Variants in UBA7 observed in about 807,000 individuals in gnomAD.
UBA7 encodes ubiquitin like modifier activating enzyme 7.
A neutral mutation model predicts 113.0 loss-of-function variants in UBA7; 88 were observed. That is an observed-to-expected ratio of 0.78 (90% CI 0.66 to 0.93). The LOEUF (loss-of-function observed/expected upper bound fraction) is 0.93, where lower values mean the gene tolerates loss of function less well. UBA7 is among the 40% of genes least tolerant of loss of function. The pLI is 0.00. For missense variants in UBA7, 1,092 were observed against 1,266.4 expected, an observed-to-expected ratio of 0.86 and a Z score of 2.09; for synonymous variants, 459 against 513.0, an observed-to-expected ratio of 0.89 and a Z score of 1.42.
rs1346831962 is a variant in UBA7, at chr3:49,807,844, A to T, written c.2607T>A (p.Tyr869Ter). Residue 869 changes from tyrosine to a stop codon, truncating the protein, a stop_gained, in exon 21 of 24, where the codon TAT (tyrosine) becomes TAA (stop). Coordinates refer to ENST00000333486, the MANE Select transcript of UBA7 (RefSeq NM_003335.3). LOFTEE classifies it high-confidence loss of function. This position sits in a 1 kb window ranked among gnomAD's most constrained non-coding sequence, Gnocchi z 4.0. ...GAGGCCGTGGCCCACTCACCACCTT[A>T]TACAGCTCCAGGCCCAACAGGCCTG... ...AVAGLLGLELYKVVSGPRPRS... is the reference protein window; with the variant it reads ...AVAGLLGLEL 2 of 1,613,956 alleles carry T rather than the reference A, an allele frequency of 1.2e-6. No homozygotes were observed. The highest frequency in any genetic ancestry group is 1.7e-6 in the Non-Finnish European group (2 of 1,179,988).
In UBA7 at chr3:49,811,972, C is replaced by G. The variant is rs2081554708; in HGVS notation, c.837G>C (p.Gln279His). The change falls in exon 8 of 24, where the codon CAG becomes CAC. Residue 279 changes from glutamine (Q) to histidine (H), a missense_variant. By Grantham distance (24) the Gln-to-His change is conservative. Coordinates refer to ENST00000333486, the MANE Select transcript of UBA7 (RefSeq NM_003335.3). ...GGGCATGGTGAACTTCCTGGGAGCT[C>G]TGGGCCACCACATGGGGCTGGAGCA... Reference protein sequence around the residue: ...TALLQPHVVAQSSQEVHHAHC... With the variant: ...TALLQPHVVAHSSQEVHHAHC... 6.2e-7 allele frequency: 1 copy of G among 1,614,216 alleles called. No individual in the cohort carries two copies. The highest frequency in any genetic ancestry group is 8.5e-7 in the Non-Finnish European group (1 of 1,180,042).
At position 49,811,866 on chromosome 3, in the gene UBA7, T is replaced by A. The variant is rs762838502; in HGVS notation, c.939+4A>T. On this transcript the variant is annotated splice_donor_region_variant and intron_variant, in intron 8 of 23. Transcript: ENST00000333486. Reference sequence around the variant, plus strand: ...CTGGGGGTGGGAGCAACAGGACTACTCACAGGATCCCAGGGCTGGGGTGGC... The same window carrying A: ...CTGGGGGTGGGAGCAACAGGACTACACACAGGATCCCAGGGCTGGGGTGGC... 1 of 1,613,126 alleles carries A rather than the reference T, an allele frequency of 6.2e-7. No homozygotes were observed. Among genetic ancestry groups the A allele is most frequent in the South Asian group, 1.1e-5 (1 of 91,028 alleles).
At chr3:49,805,547 G>A (rs918466077) in intron 23 of UBA7, 110 bp from the exon 24 acceptor site, 9 of 1,006,442 alleles carry the variant, frequency 8.9e-6, no homozygotes, top group Non-Finnish European at 1.2e-5. Flanking sequence ...CCCAAGCCAG[G>A]AGCAGGAGCT....
intron 21 of UBA7, 193 bp from the exon 22 acceptor site, chr3:49,806,358 A>G (rs1344047592): frequency 1.6e-6 from 1 of 608,030 alleles, no homozygotes; most frequent in African/African-American, 1.9e-5. Flanking sequence ...CCAGCACAGG[A>G]AATGGGGCTA....
In UBA7 at chr3:49,813,887, G is replaced by A. The variant is rs2081590494; in HGVS notation, c.-100C>T. 1.4e-6 allele frequency: 2 copies of A among 1,422,556 alleles called. No individual in the cohort carries two copies. Among genetic ancestry groups the A allele is most frequent in the African/African-American group, 2.8e-5 (2 of 70,436 alleles). The allele number at this position is 1,422,556 out of a possible 1,614,324, so 88.1% of individuals were successfully genotyped here. A position where few individuals can be genotyped will look rare whatever the true frequency, so the allele number is the denominator to read the frequency against. On this transcript the variant is annotated 5_prime_UTR_variant, in exon 1 of 24. Coordinates refer to ENST00000333486, the MANE Select transcript of UBA7 (RefSeq NM_003335.3). ...GGGCCAGTGCCCTGCTGTAGCCAGT[G>A]CAAACAGGAACCAAGGCCAAGCGAA...
At chr3:49,808,879 C>T in intron 18 of UBA7, 97 bp downstream of exon 18, 12 of 1,449,518 alleles carry the variant, frequency 8.3e-6, no homozygotes, top group Non-Finnish European at 1.1e-5. Flanking sequence ...GGCTGTAGAT[C>T]CCCTAGGCCC....
At position 49,809,448 on chromosome 3, in the gene UBA7, G is replaced by T. The variant is rs1330633341; in HGVS notation, c.2105C>A (p.Thr702Asn). 7 of 1,614,090 alleles carry T rather than the reference G, an allele frequency of 4.3e-6. No homozygotes were observed. The African/African-American group carries it at 5.3e-5, about 12-fold the overall frequency. ...FPPNKVLEDG[T>N]PFWSGPKQCP... ...CTGTTTGGGACCTGACCAGAAGGGA[G>T]TTCCATCCTCAAGCACCTAGGTAGG... The change falls in exon 17 of 24, where the codon ACT becomes AAT. Residue 702 changes from threonine to asparagine, a missense_variant. Transcript: ENST00000333486.
In UBA7 at chr3:49,808,013, G is replaced by A; in HGVS notation, c.2523+7C>T. On this transcript the variant is annotated splice_region_variant and intron_variant, in intron 20 of 23. Transcript: ENST00000333486. ...CTCCAGGCCCAAGCCTCAAGGGGTG[G>A]GGTTACCTGGGCACGGTTGACCGGT... 1.2e-6 allele frequency: 2 copies of A among 1,614,132 alleles called. No individual in the cohort carries two copies. The highest frequency in any genetic ancestry group is 1.7e-6 in the Non-Finnish European group (2 of 1,179,988).
At position 49,807,708 on chromosome 3, in the gene UBA7, G is replaced by A; in HGVS notation, c.2715+28C>T. ...TGCAGGGGAAACCCAGGCCTAGTAG[G>A]GCTAAGGGTGGGGTATCATGGGCTC... On this transcript the variant is annotated intron_variant, in intron 21 of 23. Coordinates refer to ENST00000333486, the MANE Select transcript of UBA7 (RefSeq NM_003335.3). This position sits in a 1 kb window ranked among gnomAD's most constrained non-coding sequence, Gnocchi z 4.0. 1 of 1,582,816 alleles carries A rather than the reference G, an allele frequency of 6.3e-7. No homozygotes were observed. Among genetic ancestry groups the A allele is most frequent in the Non-Finnish European group, 8.6e-7 (1 of 1,163,846 alleles).
Position 49,812,682 on chromosome 3 carries a change from T to TCTGCCTCTGTGGGGTC in UBA7, c.508_523dup (p.Glu175GlyfsTer36), listed in dbSNP as rs1364922497. ...GTGCTGGATGGCAGCTGTCAGGGGT[T>TCTGCCTCTGTGGGGTC]CTGCCTCTGTGGGGTCCTGCACAGT... On this transcript the variant is annotated frameshift_variant, in exon 5 of 24. Coordinates refer to ENST00000333486, the MANE Select transcript of UBA7 (RefSeq NM_003335.3). LOFTEE classifies it high-confidence loss of function. 1 of 1,614,186 alleles carries TCTGCCTCTGTGGGGTC rather than the reference T, an allele frequency of 6.2e-7. No homozygotes were observed. Among genetic ancestry groups the TCTGCCTCTGTGGGGTC allele is most frequent in the East Asian group, 2.2e-5 (1 of 44,870 alleles).
At chr3:49,808,570 C>G (rs1012154809) in intron 18 of UBA7, 102 bp from the exon 19 acceptor site, 4 of 1,237,238 alleles carry the variant, frequency 3.2e-6, no homozygotes, top group Non-Finnish European at 3.4e-6. Flanking sequence ...CTGTCACTTA[C>G]TATTCCCTGA....
chr3:49,807,135 A>C lies in UBA7; in HGVS notation c.2715+601T>G, dbSNP rs1393989664. ...AACACACACATGTGTGCCCACATGC[A>C]TCTCCATGCATGCCCACATTGAGGA... On this transcript the variant is annotated intron_variant, in intron 21 of 23. Coordinates refer to ENST00000333486, the MANE Select transcript of UBA7 (RefSeq NM_003335.3). This position sits in a 1 kb window ranked among gnomAD's most constrained non-coding sequence, Gnocchi z 4.0. 6.6e-6 allele frequency among the ~76,000 whole-genome samples: 1 copy of C among 152,186 alleles called. No homozygotes were observed. Among genetic ancestry groups the C allele is most frequent in the African/African-American group, 2.4e-5 (1 of 41,436 alleles).
Position 49,811,043 on chromosome 3 carries a change from C to T in UBA7, c.1171G>A (p.Ala391Thr), listed in dbSNP as rs762355607. 1 of 1,613,992 alleles carries T rather than the reference C, an allele frequency of 6.2e-7. No individual in the cohort carries two copies. The highest frequency in any genetic ancestry group is 2.2e-5 in the East Asian group (1 of 44,896). ...CCATCTTCCGGAAGACAATCGAGGG[C>T]ATCAAAGTAAAGCCACTGGTCCAGA... ...MPLDQWLYFD[A>T]LDCLPEDGEL... The change falls in exon 10 of 24, where the codon GCC becomes ACC. Residue 391 changes from alanine (A) to threonine (T), a missense_variant. Transcript: ENST00000333486.
At chr3:49,811,707 TC>T in intron 8 of UBA7, 162 bp downstream of exon 8, 1 of 1,282,966 alleles carries the variant, frequency 7.8e-7, no homozygotes, top group Non-Finnish European at 1.1e-6. Context: ...GTAGCAGGAG[TC>T]CCCAGGATGT....
At position 49,808,060 on chromosome 3, in the gene UBA7, C is replaced by G; in HGVS notation, c.2483G>C (p.Arg828Thr). Residue 828 changes from arginine (R) to threonine (T), a missense_variant, in exon 20 of 24, where the codon AGA (arginine) becomes ACA (threonine). Arg to Thr is a moderately conservative substitution (Grantham distance 71, BLOSUM62 -1). This residue lies in a region of UBA7 where 500 missense variants were observed against 529.3 expected (regional missense o/e 0.94). Transcript: ENST00000333486. ...VDFVVAAASL[R>T]CQNYGIPPVN... ...CGGTGGAATCCCGTAGTTCTGACATCTCAGGCTAGCTGCCGCTACCACAAA... is the reference window on the plus strand; with the variant it reads ...CGGTGGAATCCCGTAGTTCTGACATGTCAGGCTAGCTGCCGCTACCACAAA... 1.2e-6 allele frequency: 2 copies of G among 1,614,132 alleles called. No homozygotes were observed. Among genetic ancestry groups the G allele is most frequent in the Non-Finnish European group, 1.7e-6 (2 of 1,180,020 alleles).
chr3:49,810,426 T>G lies in UBA7; in HGVS notation c.1470A>C (p.Arg490Ser). The G allele has an allele frequency of 6.2e-7, 1 of 1,613,810 alleles. No individual in the cohort carries two copies. The highest frequency in any genetic ancestry group is 1.7e-5 in the Admixed American group (1 of 60,004). The change falls in exon 13 of 24, where the codon AGA becomes AGC. Residue 490 changes from arginine to serine, a missense_variant and splice_region_variant. Around this residue, in one of 3 missense-constraint regions of UBA7, gnomAD observed 584 missense variants for 714.5 expected, o/e 0.82. Coordinates refer to ENST00000333486, the MANE Select transcript of UBA7 (RefSeq NM_003335.3). This position sits in a 1 kb window ranked among gnomAD's most constrained non-coding sequence, Gnocchi z 5.6. ...QFLFRSQDVGRPKAEVAAAAA... is the reference protein window; with the variant it reads ...QFLFRSQDVGSPKAEVAAAAA... The stretch of plus-strand genomic sequence containing the variant: ...CTGCTGCAGCCACCTCTGCCTTGGG[T>G]CTCTGGGAAGAAGGCAGGAAGATGT...
At chr3:49,808,211 G>A in intron 19 of UBA7, 99 bp from the exon 20 acceptor site, 2 of 1,545,426 alleles carry the variant, frequency 1.3e-6, no homozygotes, top group Non-Finnish European at 8.9e-7. Flanking sequence ...GTTCTGTCGG[G>A]GGGTTGCCCC....
intron 4 of UBA7, 84 bp downstream of exon 4, chr3:49,812,978 C>A: frequency 6.8e-7 from 1 of 1,477,720 alleles, no homozygotes; most frequent in Admixed American, 1.9e-5. Flanking sequence ...GTTGGAGGGG[C>A]ACTGGAGCAA....
In UBA7 at chr3:49,807,650, G is replaced by A. The variant is rs961248417; in HGVS notation, c.2715+86C>T. 2.0e-6 allele frequency: 3 copies of A among 1,469,806 alleles called. No individual in the cohort carries two copies. The African/African-American group carries it at 4.2e-5, about 21-fold the overall frequency. The allele number at this position is 1,469,806 out of a possible 1,614,324, so 91.0% of individuals were successfully genotyped here. On this transcript the variant is annotated intron_variant, in intron 21 of 23. Coordinates refer to ENST00000333486, the MANE Select transcript of UBA7 (RefSeq NM_003335.3). This position sits in a 1 kb window ranked among gnomAD's most constrained non-coding sequence, Gnocchi z 4.0. ...CTGCACAGTCTGAGTTTCAGTGAGA[G>A]CCGGCAGCTAGATTGGGGCCTGTAT...
Sources: gnomAD v4.1 joint callset for allele counts (sites outside exome capture counted in the v4.1 genomes callset) on GRCh38, gnomAD v4.1.1 for gene constraint, gnomAD v4.1.1 regional missense constraint, Gnocchi (gnomAD v3.1) non-coding constraint, MANE v1.5 for transcripts, NCBI Gene and HGNC (gene_info 2026-07-23, HGNC 2026-07-21) for gene names.